The following CSPG4 variants were observed in gnomAD, a reference collection of about 807,000 sequenced individuals.
CSPG4 encodes the protein chondroitin sulfate proteoglycan 4 (melanoma-associated).
A neutral mutation model predicts 139.3 loss-of-function variants in CSPG4; 74 were observed. The ratio of observed to expected loss-of-function variants is 0.53; its 90% CI spans 0.44 to 0.64. CSPG4 has a LOEUF of 0.64. CSPG4 is among the 30% of genes least tolerant of loss of function. The pLI, the probability that CSPG4 is intolerant of heterozygous loss-of-function variation, is 0.00. For missense variants in CSPG4, 2,565 were observed against 3,148.3 expected, an observed-to-expected ratio of 0.81 and a Z score of 4.43; for synonymous variants, 1,234 against 1,394.2, an observed-to-expected ratio of 0.89 and a Z score of 2.56.
rs757073665 is a variant in CSPG4 at position 75,688,846 on chromosome 15, C to G, written c.2219G>C (p.Arg740Pro). The G allele has an allele frequency of 8.1e-6, 13 of 1,612,432 alleles. No individual in the cohort carries two copies. The highest frequency in any genetic ancestry group is 1.0e-5 in the Non-Finnish European group (12 of 1,179,988). ...AFHQRDVEQG[R>P]VRYLSTDPQH... ...TGGGTCAGTGCTCAGGTACCTCACG[C>G]GGCCCTGCTCCACATCCCGCTGGTG... The change falls in exon 3 of 10, where the codon CGC (arginine) becomes CCC (proline). Residue 740 changes from arginine (R) to proline (P), a missense_variant. Physicochemically the swap from Arg to Pro is moderately radical, Grantham distance 103. Transcript: ENST00000308508.
At chr15:75,707,108 C>A (rs943926071) in intron 1 of CSPG4, among the ~76,000 whole-genome samples, 3 of 152,034 alleles carry the variant, frequency 2.0e-5, no homozygotes, top group African/African-American at 7.3e-5. Context: ...CAGGTGTCGC[C>A]AGCACGCCCA....
rs945033901 is a variant in CSPG4, at chr15:75,698,299, C to T, written c.89-5066G>A. ...GCCGGGATGAAGGGCTCTCTGTCTC[C>T]CCTCATAGGTGTGTATGTGGTGGGG... On this transcript the variant is annotated intron_variant, in intron 1 of 9. Coordinates refer to ENST00000308508, the MANE Select transcript of CSPG4 (RefSeq NM_001897.5). The surrounding 1 kb of genome is among the most constrained non-coding windows in gnomAD (Gnocchi z 4.3). Among the ~76,000 whole-genome samples the T allele has an allele frequency of 6.6e-6, 1 of 151,470 alleles. No homozygotes were observed. Among genetic ancestry groups the T allele is most frequent in the Non-Finnish European group, 1.5e-5 (1 of 67,814 alleles).
chr15:75,681,576 G>T (rs1272839611), intron 8 of CSPG4, among the ~76,000 whole-genome samples: 2 of 152,230 alleles, frequency 1.3e-5, no homozygotes, highest in Non-Finnish European at 2.9e-5. Flanking sequence ...CCGCCTGCCT[G>T]GGATGGCCCA....
Position 75,687,973 on chromosome 15 carries a change from C to A in CSPG4, c.3092G>T (p.Arg1031Leu). 6.2e-7 allele frequency: 1 copy of A among 1,612,652 alleles called. No homozygotes were observed. Among genetic ancestry groups the A allele is most frequent in the Non-Finnish European group, 8.5e-7 (1 of 1,179,872 alleles). Residue 1031 changes from arginine (R) to leucine (L), a missense_variant, in exon 3 of 10, where the codon CGG becomes CTG. By Grantham distance (102) the Arg-to-Leu change is moderately radical (BLOSUM62 -2). Coordinates refer to ENST00000308508, the MANE Select transcript of CSPG4 (RefSeq NM_001897.5). The surrounding 1 kb of genome is among the most constrained non-coding windows in gnomAD (Gnocchi z 5.4). Reference protein sequence around the residue: ...QTISRIFHVARGGRRLLTTDD... With the variant: ...QTISRIFHVALGGRRLLTTDD... ...TGTAGTCAGCAGCCGCCGCCCACCCCGGGCCACATGGAAGATCCGGCTGAT... is the reference window on the plus strand; with the variant it reads ...TGTAGTCAGCAGCCGCCGCCCACCCAGGGCCACATGGAAGATCCGGCTGAT...
rs1217084382 is a variant in CSPG4, at chr15:75,677,112, G to A, written c.5407C>T (p.His1803Tyr). The A allele has an allele frequency of 4.3e-6, 6 of 1,410,394 alleles. No homozygotes were observed. In the South Asian group the frequency reaches 1.1e-4, roughly 25 times the overall value. The allele number at this position is 1,410,394 out of a possible 1,614,324, so 87.4% of individuals were successfully genotyped here. Reference sequence around the variant, plus strand: ...GAGGCCCCTGCTGGCCCCTGGAGGTGGGCACGAAAGTGGAAGCCATCCTGC... The same window carrying A: ...GAGGCCCCTGCTGGCCCCTGGAGGTAGGCACGAAAGTGGAAGCCATCCTGC... ...TQQDGFHFRAHLQGPAGASVA... is the reference protein window; with the variant it reads ...TQQDGFHFRAYLQGPAGASVA... Residue 1803 changes from histidine to tyrosine, a missense_variant, in exon 10 of 10, where the codon CAC becomes TAC. Physicochemically the swap from His to Tyr is moderately conservative, Grantham distance 83. This residue lies in a region of CSPG4 where 2,316 missense variants were observed against 2,818.2 expected (regional missense o/e 0.82). Transcript: ENST00000308508.
intron 8 of CSPG4, 36 bp from the exon 9 acceptor site, chr15:75,677,922 C>A: frequency 6.4e-7 from 1 of 1,556,376 alleles, no homozygotes; most frequent in Non-Finnish European, 8.7e-7. Context: ...AGAGGCAGGT[C>A]CAGCCTGTGT....
At chr15:75,697,408 T>A (rs1435373603) in intron 1 of CSPG4, among the ~76,000 whole-genome samples, 1 of 152,168 alleles carries the variant, frequency 6.6e-6, no homozygotes, top group Non-Finnish European at 1.5e-5. Context: ...TCTCTGTAGC[T>A]CAAGCCTGCT....
Position 75,685,635 on chromosome 15 carries a change from A to G in CSPG4, c.3856T>C (p.Tyr1286His), listed in dbSNP as rs767147725. Residue 1286 changes from tyrosine to histidine, a missense_variant, in exon 4 of 10, where the codon TAC (tyrosine) becomes CAC (histidine). By Grantham distance (83) the Tyr-to-His change is moderately conservative (BLOSUM62 2). Transcript: ENST00000308508. Reference sequence around the variant, plus strand: ...GCGCCACGCGACACCATCACCAGGTAGCCGGCACTCGGTGGGCTCTTCACT... The same window carrying G: ...GCGCCACGCGACACCATCACCAGGTGGCCGGCACTCGGTGGGCTCTTCACT... ...FSVKSPPSAG[Y>H]LVMVSRGALA... is the part of the protein sequence containing the mutation. 4.3e-6 allele frequency: 7 copies of G among 1,609,568 alleles called. No homozygotes were observed. The African/African-American group carries it at 8.0e-5, about 18-fold the overall frequency.
rs199750413 is a variant in CSPG4, at chr15:75,685,177, C to T, written c.4272+42G>A. 4.5e-4 allele frequency: 676 copies of T among 1,508,874 alleles called. 5 individuals carry two copies. The African/African-American group carries it at 7.9e-3, about 18-fold the overall frequency. 93.5% of individuals were successfully genotyped at this position (1,508,874 alleles called of 1,614,324 possible). On this transcript the variant is annotated intron_variant, in intron 4 of 9. Transcript: ENST00000308508. Reference sequence around the variant, plus strand: ...CCCAGGGCTCCCTCCACTCTGCCCCCAGAGCTGGGCTGCAGCCCCTGGGCC... The same window carrying T: ...CCCAGGGCTCCCTCCACTCTGCCCCTAGAGCTGGGCTGCAGCCCCTGGGCC...
chr15:75,703,472 C>A (rs934238439), intron 1 of CSPG4, among the ~76,000 whole-genome samples: 1 of 151,534 alleles, frequency 6.6e-6, no homozygotes, highest in Non-Finnish European at 1.5e-5. Flanking sequence ...AGGAAGCAGG[C>A]GTCTCTGTGG....
At chr15:75,680,187 A>G in intron 8 of CSPG4, 1 of 152,458 alleles carries the variant, frequency 6.6e-6, no homozygotes, top group Non-Finnish European at 1.5e-5. Flanking sequence ...AAGGGAGAGC[A>G]GGGCCGGGCT....
rs1422106067 is a variant in CSPG4, at chr15:75,712,669, C to A, written c.87G>T (p.Ala29=). The change falls in exon 1 of 10, where the codon GCG becomes GCT. Residue 29 remains alanine (A), a splice_region_variant and synonymous_variant. Coordinates refer to ENST00000308508, the MANE Select transcript of CSPG4 (RefSeq NM_001897.5). ...TLTMLARLAS[A]ASFFGENHLE... ...CGGGGTCTCAGGCCCCTCACTCACC[C>A]GCGGATGCAAGTCTGGCCAACATAG... 6.4e-7 allele frequency: 1 copy of A among 1,559,394 alleles called. No individual in the cohort carries two copies. The highest frequency in any genetic ancestry group is 8.7e-7 in the Non-Finnish European group (1 of 1,152,052).
At chr15:75,681,936 T>G (rs1419370228) in intron 8 of CSPG4, among the ~76,000 whole-genome samples, 1 of 152,140 alleles carries the variant, frequency 6.6e-6, no homozygotes. Flanking sequence ...CACCAAGCAC[T>G]GCCCCTCATC....
chr15:75,688,500 G>A lies in CSPG4; in HGVS notation c.2565C>T (p.Gly855=), dbSNP rs1195882011. 1.9e-6 allele frequency: 3 copies of A among 1,613,198 alleles called. No homozygotes were observed. Among genetic ancestry groups the A allele is most frequent in the African/African-American group, 1.3e-5 (1 of 75,054 alleles). The part of the protein sequence containing the change: ...QGFTQDDIQA[G]RVTYGATARA... ...GTGCTGTGGCCCCATAGGTCACCCG[G>A]CCAGCCTGTATGTCATCCTGGGTGA... is the stretch of plus-strand genomic sequence containing the variant. Residue 855 remains glycine, a synonymous_variant, in exon 3 of 10, where the codon GGC becomes GGT. Transcript: ENST00000308508.
At chr15:75,678,478 A>G in intron 8 of CSPG4, 1 of 363,508 alleles carries the variant, frequency 2.8e-6, no homozygotes, top group Non-Finnish European at 5.5e-6. Context: ...TCAGCTTCCC[A>G]AGTAGCGGGG....
chr15:75,688,615 C>T lies in CSPG4; in HGVS notation c.2450G>A (p.Ser817Asn). ...CACCTCATAATGGAAGGTTGGGGGG[C>T]TTGGGCCTGCCTCCTCCAGGGTGGC... ...LEATLEEAGPSPPTFHYEVVQ... is the reference protein window; with the variant it reads ...LEATLEEAGPNPPTFHYEVVQ... Residue 817 changes from serine (S) to asparagine (N), a missense_variant, in exon 3 of 10, where the codon AGC becomes AAC. Transcript: ENST00000308508. 6.2e-7 allele frequency: 1 copy of T among 1,612,810 alleles called. No individual in the cohort carries two copies. Among genetic ancestry groups the T allele is most frequent in the Non-Finnish European group, 8.5e-7 (1 of 1,179,898 alleles).
Position 75,688,472 on chromosome 15 carries a change from C to T in CSPG4, c.2593G>A (p.Ala865Thr), listed in dbSNP as rs879019231. 6.2e-7 allele frequency: 1 copy of T among 1,613,256 alleles called. No homozygotes were observed. The highest frequency in any genetic ancestry group is 1.1e-5 in the South Asian group (1 of 91,088). Residue 865 changes from alanine (A) to threonine (T), a missense_variant, in exon 3 of 10, where the codon GCC becomes ACC. Physicochemically the swap from Ala to Thr is moderately conservative, Grantham distance 58 (BLOSUM62 0). Coordinates refer to ENST00000308508, the MANE Select transcript of CSPG4 (RefSeq NM_001897.5). ...GRVTYGATAR[A>T]SEAVEDTFRF... ...AAGGTGTCCTCGACTGCCTCTGAGG[C>T]ACGTGCTGTGGCCCCATAGGTCACC... is the stretch of plus-strand genomic sequence containing the variant.
Position 75,690,044 on chromosome 15 carries a change from C to T in CSPG4, c.1021G>A (p.Gly341Ser). Reference sequence around the variant, plus strand: ...GCATTGGTGGCCTCTGGTGTCAGGCCCAGGCGGTGTTCCTGGAGGTGACGA... The same window carrying T: ...GCATTGGTGGCCTCTGGTGTCAGGCTCAGGCGGTGTTCCTGGAGGTGACGA... ...ASRHLQEHRLGLTPEATNASL... is the reference protein window; with the variant it reads ...ASRHLQEHRLSLTPEATNASL... The change falls in exon 3 of 10, where the codon GGC (glycine) becomes AGC (serine). Residue 341 changes from glycine to serine, a missense_variant. Physicochemically the swap from Gly to Ser is moderately conservative, Grantham distance 56. Around this residue, in one of 5 missense-constraint regions of CSPG4, gnomAD observed 2,316 missense variants for 2,818.2 expected, o/e 0.82. Coordinates refer to ENST00000308508, the MANE Select transcript of CSPG4 (RefSeq NM_001897.5). 3.1e-6 allele frequency: 5 copies of T among 1,611,742 alleles called. No homozygotes were observed. In the South Asian group the frequency reaches 5.5e-5, roughly 18 times the overall value.
intron 1 of CSPG4, among the ~76,000 whole-genome samples, chr15:75,697,452 A>G (rs1894242940): frequency 6.6e-6 from 1 of 152,230 alleles, no homozygotes; most frequent in Non-Finnish European, 1.5e-5. Context: ...CCAGACAGAC[A>G]AACTGAGGCT....
Sources: allele counts gnomAD v4.1 joint callset (sites outside exome capture counted in the v4.1 genomes callset), GRCh38; gene constraint gnomAD v4.1.1; regional missense constraint gnomAD v4.1.1; non-coding constraint Gnocchi (gnomAD v3.1); transcripts MANE v1.5; gene names NCBI Gene and HGNC (gene_info 2026-07-23, HGNC 2026-07-21).